UBTD2: variants seen among roughly 807,000 people sequenced by gnomAD.
UBTD2 encodes ubiquitin domain-containing protein 2.
UBTD2 carries 9 observed loss-of-function variants against 19.8 expected under a neutral mutation model. The observed-to-expected ratio is 0.46, with a 90% CI of 0.27 to 0.79. UBTD2 has a LOEUF of 0.79. Among genes scored for constraint, UBTD2 ranks in the 30% least tolerant of loss-of-function variants. The pLI is 0.14. For synonymous variants in UBTD2, 98 were observed against 103.9 expected (o/e 0.94, Z 0.35); for missense variants, 250 against 300.4 (o/e 0.83, Z 1.24).
chr5:172,244,295 GT>G (rs1191361417), intron 1 of UBTD2, among the ~76,000 whole-genome samples: 8,654 of 125,904 alleles, frequency 0.069, 249 homozygotes, highest in South Asian at 0.12. Flanking sequence ...TTTCCTCCCA[GT>G]TTTTTTTTTT....
At chr5:172,278,579 T>C (rs993026876) in intron 1 of UBTD2, among the ~76,000 whole-genome samples, 3 of 149,210 alleles carry the variant, frequency 2.0e-5, no homozygotes, top group Admixed American at 6.7e-5. Flanking sequence ...ATAAAAAGGA[T>C]AGAGTACAAA....
intron 1 of UBTD2, among the ~76,000 whole-genome samples, chr5:172,260,043 ACT>A (rs1447688205): frequency 6.6e-6 from 1 of 151,246 alleles, no homozygotes; most frequent in Non-Finnish European, 1.5e-5. Flanking sequence ...ACAGAGTAAA[ACT>A]CTGTCCGCCC....
At chr5:172,263,864 T>C (rs1019447252) in intron 1 of UBTD2, among the ~76,000 whole-genome samples, 3 of 151,526 alleles carry the variant, frequency 2.0e-5, no homozygotes, top group Non-Finnish European at 4.4e-5. Flanking sequence ...TGTGTGTGTG[T>C]GTGTGTGTGT....
At chr5:172,256,386 C>CTT (rs199749283) in intron 1 of UBTD2, among the ~76,000 whole-genome samples, 46 of 147,484 alleles carry the variant, frequency 3.1e-4, no homozygotes, top group Admixed American at 6.8e-4. Flanking sequence ...TTTCCTTATA[C>CTT]TTTTTTTTTT....
chr5:172,269,082 T>A (rs1755431493), intron 1 of UBTD2, among the ~76,000 whole-genome samples: 1 of 152,158 alleles, frequency 6.6e-6, no homozygotes, highest in African/African-American at 2.4e-5. Context: ...GGAATATATA[T>A]CAAAAAAGAT....
At position 172,211,543 on chromosome 5, in the gene UBTD2, CA is replaced by C; in HGVS notation, c.*286del. The C allele has an allele frequency of 3.6e-6, 1 of 280,956 alleles. No homozygotes were observed. The highest frequency in any genetic ancestry group is 6.6e-6 in the Non-Finnish European group (1 of 151,000). The allele number at this position is 280,956 out of a possible 1,614,324, so 17.4% of individuals were successfully genotyped here. ...ACAGTCCAAGTCACTGAAATATAGC[CA>C]TTACATAGTTGTTGAGTGTTCTAAA... is the stretch of plus-strand genomic sequence containing the variant. On this transcript the variant is annotated 3_prime_UTR_variant, in exon 3 of 3. Coordinates refer to ENST00000393792, the MANE Select transcript of UBTD2 (RefSeq NM_152277.3).
intron 1 of UBTD2, chr5:172,254,523 G>T: frequency 1.7e-6 from 1 of 580,534 alleles, no homozygotes; most frequent in Non-Finnish European, 3.1e-6. Context: ...AAACGTCCAT[G>T]TGCATCCTTC....
At chr5:172,233,845 A>G (rs998153369) in intron 2 of UBTD2, among the ~76,000 whole-genome samples, 12 of 151,844 alleles carry the variant, frequency 7.9e-5, no homozygotes, top group African/African-American at 2.9e-4. Flanking sequence ...GTCTTCATGG[A>G]GGACTAGGTT....
intron 1 of UBTD2, among the ~76,000 whole-genome samples, chr5:172,274,081 T>C (rs1259959501): frequency 6.6e-6 from 1 of 151,610 alleles, no homozygotes; most frequent in African/African-American, 2.4e-5. Context: ...ACTGTCACAC[T>C]AGGGATACAA....
chr5:172,276,427 C>T lies in UBTD2; in HGVS notation c.70+7169G>A, dbSNP rs189469163. Among the ~76,000 whole-genome samples, 8 of 152,286 alleles carry T rather than the reference C, an allele frequency of 5.3e-5. No individual in the cohort carries two copies. In the East Asian group the frequency reaches 5.8e-4, roughly 11 times the overall value. On this transcript the variant is annotated intron_variant, in intron 1 of 2. Transcript: ENST00000393792. ...AGCAGCCACTTTACCAACGATTACC[C>T]CATGCATGTATTGTTTACAACCACT...
intron 1 of UBTD2, among the ~76,000 whole-genome samples, chr5:172,253,275 G>A (rs1265330825): frequency 6.6e-6 from 1 of 152,112 alleles, no homozygotes; most frequent in African/African-American, 2.4e-5. Context: ...TAAGTGCAAT[G>A]TTCAGAAAGA....
At chr5:172,280,338 T>C (rs1356845198) in intron 1 of UBTD2, among the ~76,000 whole-genome samples, 1 of 151,702 alleles carries the variant, frequency 6.6e-6, no homozygotes, top group Non-Finnish European at 1.5e-5. Context: ...TGAAACCCCG[T>C]CTCTACTAAA....
chr5:172,231,149 C>G (rs1771886879), intron 2 of UBTD2, among the ~76,000 whole-genome samples: 1 of 152,106 alleles, frequency 6.6e-6, no homozygotes, highest in South Asian at 2.1e-4. Flanking sequence ...TACCACTAAG[C>G]CAGTCTAGGT....
chr5:172,240,565 T>C (rs909882180), intron 1 of UBTD2, among the ~76,000 whole-genome samples: 4 of 152,180 alleles, frequency 2.6e-5, no homozygotes, highest in Admixed American at 2.0e-4. Context: ...ACCAATGATC[T>C]GAGCATACAA....
intron 1 of UBTD2, chr5:172,255,347 T>G: frequency 2.2e-6 from 1 of 462,336 alleles, no homozygotes; most frequent in South Asian, 1.8e-5. Flanking sequence ...TTGTTGGGCT[T>G]CATGGATTCC....
intron 1 of UBTD2, among the ~76,000 whole-genome samples, chr5:172,263,938 T>G (rs1438415322): frequency 6.6e-6 from 1 of 151,214 alleles, no homozygotes; most frequent in Non-Finnish European, 1.5e-5. Flanking sequence ...TCCTCCCGCT[T>G]CAGCCTCCAG....
intron 1 of UBTD2, among the ~76,000 whole-genome samples, chr5:172,274,135 CTTTTTT>C (rs555392614): frequency 5.5e-5 from 6 of 108,626 alleles, no homozygotes; most frequent in African/African-American, 1.5e-4. Context: ...TTTTGCTTTA[CTTTTTT>C]TTTTTTTTTT....
intron 1 of UBTD2, chr5:172,254,911 C>T (rs1402458127): frequency 2.0e-6 from 1 of 500,422 alleles, no homozygotes; most frequent in Non-Finnish European, 3.8e-6. Context: ...TGGAAGACCT[C>T]TTCCTCCTCC....
intron 1 of UBTD2, among the ~76,000 whole-genome samples, chr5:172,247,566 A>G (rs1045964684): frequency 5.3e-5 from 8 of 152,232 alleles, no homozygotes; most frequent in Non-Finnish European, 2.9e-5. Flanking sequence ...CTATATTTGT[A>G]AACAATAAAA....
Sources: gnomAD v4.1 joint callset for allele counts (sites outside exome capture counted in the v4.1 genomes callset) on GRCh38, gnomAD v4.1.1 for gene constraint, MANE v1.5 for transcripts, NCBI Gene and HGNC (gene_info 2026-07-23, HGNC 2026-07-21) for gene names.